The following HMBOX1 variants were observed in gnomAD, a reference collection of about 807,000 sequenced individuals.
HMBOX1 encodes homeobox containing 1, also known as homeobox-containing protein 1.
In HMBOX1, 14 loss-of-function variants were observed where a neutral mutation model predicts 54.5. That is an observed-to-expected ratio of 0.26 (90% CI 0.17 to 0.40). The LOEUF is 0.40. HMBOX1 is among the 10% of genes least tolerant of loss of function. The probability of loss-of-function intolerance (pLI) is 1.00; values close to 1 mark genes in which losing one functional copy is unlikely to be tolerated. For synonymous variants in HMBOX1, 160 were observed against 181.0 expected, an observed-to-expected ratio of 0.88 and a Z score of 0.93; for missense variants, 332 against 514.4, an observed-to-expected ratio of 0.65 and a Z score of 3.43.
chr8:28,982,747 T>C (rs1181304128), intron 4 of HMBOX1, among the ~76,000 whole-genome samples: 1 of 152,156 alleles, frequency 6.6e-6, no homozygotes, highest in Non-Finnish European at 1.5e-5. Flanking sequence ...TGCCTCAGCC[T>C]CCCAAGTACC....
At chr8:28,990,669 T>C (rs1224862183) in intron 4 of HMBOX1, among the ~76,000 whole-genome samples, 1 of 152,182 alleles carries the variant, frequency 6.6e-6, no homozygotes, top group East Asian at 1.9e-4. Context: ...TTTTGTTTTC[T>C]TTTTCAGACG....
chr8:28,978,201 C>A (rs1387429763), intron 3 of HMBOX1, among the ~76,000 whole-genome samples: 1 of 152,188 alleles, frequency 6.6e-6, no homozygotes, highest in Non-Finnish European at 1.5e-5. Flanking sequence ...CATGGTCTTA[C>A]AACAGAGTCC....
chr8:29,000,786 CTG>C (rs760047782), intron 4 of HMBOX1, among the ~76,000 whole-genome samples: 2 of 152,218 alleles, frequency 1.3e-5, no homozygotes, highest in African/African-American at 2.4e-5. Context: ...CTGGTTTTCA[CTG>C]TGATTGCAGT....
chr8:28,993,499 A>G (rs1831304279), intron 4 of HMBOX1, among the ~76,000 whole-genome samples: 2 of 152,228 alleles, frequency 1.3e-5, no homozygotes, highest in African/African-American at 2.4e-5. Context: ...AAATTATACT[A>G]TATCTATACT....
intron 4 of HMBOX1, among the ~76,000 whole-genome samples, chr8:28,981,276 T>C (rs1829300717): frequency 6.6e-6 from 1 of 152,210 alleles, no homozygotes; most frequent in African/African-American, 2.4e-5. Flanking sequence ...CTTCTGCTTA[T>C]GGTAAAATAC....
Position 29,018,772 on chromosome 8 carries a change from G to C in HMBOX1, c.710G>C (p.Ser237Thr), listed in dbSNP as rs760588160. 1.9e-6 allele frequency: 3 copies of C among 1,614,020 alleles called. No individual in the cohort carries two copies. The highest frequency in any genetic ancestry group is 4.5e-5 in the East Asian group (2 of 44,884). ...TTGTTTATTTCAGGCGCTACACTAA[G>C]TATGAGACCAGCCCCCATTCCAATA... is the stretch of plus-strand genomic sequence containing the variant. ...LEKTNPGATLSMRPAPIPIED... is the reference protein window; with the variant it reads ...LEKTNPGATLTMRPAPIPIED... The change falls in exon 6 of 10, where the codon AGT (serine) becomes ACT (threonine). Residue 237 changes from serine (S) to threonine (T), a missense_variant. Physicochemically the swap from Ser to Thr is moderately conservative, Grantham distance 58 (BLOSUM62 1). Transcript: ENST00000287701.
intron 1 of HMBOX1, among the ~76,000 whole-genome samples, chr8:28,956,437 T>C (rs531571977): frequency 1.3e-5 from 2 of 152,262 alleles, no homozygotes; most frequent in South Asian, 4.1e-4. Flanking sequence ...GTAGATGTAT[T>C]ACTATGATTT....
chr8:29,048,933 A>T, intron 8 of HMBOX1, 21 bp from the exon 9 acceptor site: 1 of 1,532,514 alleles, frequency 6.5e-7, no homozygotes, highest in East Asian at 2.3e-5. Flanking sequence ...TAATTTAGGG[A>T]TCTATTTGCT....
chr8:28,972,211 T>A (rs1827549199), intron 3 of HMBOX1, among the ~76,000 whole-genome samples: 1 of 152,082 alleles, frequency 6.6e-6, no homozygotes, highest in Admixed American at 6.6e-5. Context: ...AAGTCATTGT[T>A]TTGTTTGGTT....
At position 29,051,284 on chromosome 8, in the gene HMBOX1, C is replaced by A; in HGVS notation, c.*129C>A. The A allele has an allele frequency of 1.0e-6, 1 of 996,542 alleles. No homozygotes were observed. Among genetic ancestry groups the A allele is most frequent in the Non-Finnish European group, 1.5e-6 (1 of 672,678 alleles). 61.7% of individuals were successfully genotyped at this position (996,542 alleles called of 1,614,324 possible). The stretch of plus-strand genomic sequence containing the variant: ...TTGTATGTCAGGTAGCTGTTAGGGT[C>A]TTGTTCTGTGAAGATGGCATGGTGC... On this transcript the variant is annotated 3_prime_UTR_variant, in exon 10 of 10. Coordinates refer to ENST00000287701, the MANE Select transcript of HMBOX1 (RefSeq NM_001135726.3).
chr8:28,978,282 T>C (rs1828767582), intron 3 of HMBOX1, among the ~76,000 whole-genome samples: 1 of 152,202 alleles, frequency 6.6e-6, no homozygotes, highest in Non-Finnish European at 1.5e-5. Flanking sequence ...TCACAACTCA[T>C]TGTTTTTGAA....
intron 1 of HMBOX1, among the ~76,000 whole-genome samples, chr8:28,922,394 A>G (rs1817709224): frequency 6.6e-6 from 1 of 152,178 alleles, no homozygotes; most frequent in African/African-American, 2.4e-5. Context: ...CAATCGCCCA[A>G]AGATACCAAG....
chr8:28,921,299 G>A (rs552146991), intron 1 of HMBOX1, among the ~76,000 whole-genome samples: 11 of 152,314 alleles, frequency 7.2e-5, no homozygotes, highest in Non-Finnish European at 1.6e-4. Flanking sequence ...TCATGCCACC[G>A]CACTCCAGCC....
intron 1 of HMBOX1, among the ~76,000 whole-genome samples, chr8:28,914,157 C>T (rs1167611713): frequency 6.6e-6 from 1 of 151,986 alleles, no homozygotes; most frequent in South Asian, 2.1e-4. Context: ...CGTGAGCTAC[C>T]GTGCCTGGCC....
chr8:29,024,281 A>T (rs1416734239), intron 6 of HMBOX1, among the ~76,000 whole-genome samples: 1 of 152,234 alleles, frequency 6.6e-6, no homozygotes, highest in African/African-American at 2.4e-5. Flanking sequence ...GATGAGGGAT[A>T]GGAGTTCATG....
intron 1 of HMBOX1, among the ~76,000 whole-genome samples, chr8:28,927,235 C>T (rs1248944615): frequency 6.6e-6 from 1 of 152,130 alleles, no homozygotes; most frequent in East Asian, 1.9e-4. Flanking sequence ...ATCAAAATAT[C>T]TCTTGTAACC....
At chr8:29,023,719 A>G (rs868513664) in intron 6 of HMBOX1, among the ~76,000 whole-genome samples, 2 of 152,262 alleles carry the variant, frequency 1.3e-5, no homozygotes, top group Middle Eastern at 3.4e-3. Context: ...AGTAACCATA[A>G]GATTGATCAG....
At chr8:29,025,940 C>T (rs1334371016) in intron 6 of HMBOX1, among the ~76,000 whole-genome samples, 2 of 151,906 alleles carry the variant, frequency 1.3e-5, no homozygotes, top group Non-Finnish European at 2.9e-5. Flanking sequence ...GTGCAAACTC[C>T]CCATCCTCAT....
intron 1 of HMBOX1, among the ~76,000 whole-genome samples, chr8:28,942,430 A>G (rs1821605949): frequency 6.6e-6 from 1 of 152,242 alleles, no homozygotes; most frequent in African/African-American, 2.4e-5. Flanking sequence ...CAGAATTCAA[A>G]AAGTACAAAA....
Sources: allele counts gnomAD v4.1 joint callset (sites outside exome capture counted in the v4.1 genomes callset), GRCh38; gene constraint gnomAD v4.1.1; transcripts MANE v1.5; gene names NCBI Gene and HGNC (gene_info 2026-07-23, HGNC 2026-07-21).